VTI1A: variants seen among roughly 807,000 people sequenced by gnomAD.
VTI1A encodes vesicle transport through interaction with t-SNAREs homolog 1A.
VTI1A carries 22 observed loss-of-function variants against 34.9 expected under a neutral mutation model. The ratio of observed to expected loss-of-function variants is 0.63; its 90% CI spans 0.45 to 0.90. VTI1A has a LOEUF of 0.90. Ranked by LOEUF, VTI1A falls within the 40% of genes least tolerant of loss-of-function variation. The probability of loss-of-function intolerance (pLI) is 0.00; values close to 1 mark genes in which losing one functional copy is unlikely to be tolerated. For synonymous variants in VTI1A, 87 were observed against 97.3 expected, an observed-to-expected ratio of 0.89 and a Z score of 0.62; for missense variants, 268 against 275.6, an observed-to-expected ratio of 0.97 and a Z score of 0.20.
chr10:112,605,110 C>T (rs762854808), intron 5 of VTI1A, among the ~76,000 whole-genome samples: 10 of 152,160 alleles, frequency 6.6e-5, no homozygotes, highest in Non-Finnish European at 1.2e-4. Context: ...CGTAGCCAAA[C>T]CAGACTTTCC....
At chr10:112,783,318 T>C (rs1489266863) in intron 7 of VTI1A, among the ~76,000 whole-genome samples, 1 of 151,822 alleles carries the variant, frequency 6.6e-6, no homozygotes, top group Non-Finnish European at 1.5e-5. Context: ...AGGTTGGAAA[T>C]TGGTTTGGGT....
intron 7 of VTI1A, among the ~76,000 whole-genome samples, chr10:112,686,427 T>A (rs1160367337): frequency 6.6e-6 from 1 of 152,168 alleles, no homozygotes; most frequent in Non-Finnish European, 1.5e-5. Flanking sequence ...GAGTGATTTT[T>A]AAAATTGCCC....
At chr10:112,753,098 T>A (rs1314190030) in intron 7 of VTI1A, among the ~76,000 whole-genome samples, 1 of 152,090 alleles carries the variant, frequency 6.6e-6, no homozygotes, top group Non-Finnish European at 1.5e-5. Flanking sequence ...GATCAGAGTT[T>A]ATAAAATAGA....
chr10:112,811,683 C>CAAAAAAA (rs869030543), intron 7 of VTI1A, among the ~76,000 whole-genome samples: 4 of 11,838 alleles, frequency 3.4e-4, no homozygotes, highest in African/African-American at 1.4e-3. Flanking sequence ...GACTCCGTCT[C>CAAAAAAA]AAAAAAAAAA....
chr10:112,467,237 A>G (rs1405237994), intron 3 of VTI1A, among the ~76,000 whole-genome samples: 1 of 152,160 alleles, frequency 6.6e-6, no homozygotes, highest in Non-Finnish European at 1.5e-5. Context: ...AAAGAGTACA[A>G]TACTGGGCAA....
At chr10:112,824,977 A>G in the VTI1A span, 1 of 152,244 alleles carries the variant, frequency 6.6e-6, no homozygotes, top group East Asian at 1.9e-4. Context: ...CTGAGCTTCT[A>G]AGTGGTCCAG....
chr10:112,483,696 A>G (rs1269399011), intron 3 of VTI1A, among the ~76,000 whole-genome samples: 1 of 152,184 alleles, frequency 6.6e-6, no homozygotes, highest in Non-Finnish European at 1.5e-5. Flanking sequence ...AGATGGCTCC[A>G]GATATTCCAA....
At chr10:112,490,549 T>TA (rs1848786390) in intron 3 of VTI1A, among the ~76,000 whole-genome samples, 4 of 152,150 alleles carry the variant, frequency 2.6e-5, no homozygotes, top group Non-Finnish European at 1.5e-5. Context: ...TCATTAATGA[T>TA]ATGCTCATTT....
chr10:112,656,544 T>TTTTTTTTTTGA (rs59416348), intron 5 of VTI1A, among the ~76,000 whole-genome samples: 1 of 146,104 alleles, frequency 6.8e-6, no homozygotes, highest in East Asian at 2.0e-4. Context: ...TTTTTTTTTT[T>TTTTTTTTTTGA]GAGACAGGGT....
At chr10:112,660,008 G>T (rs1346773729) in intron 5 of VTI1A, among the ~76,000 whole-genome samples, 1 of 152,132 alleles carries the variant, frequency 6.6e-6, no homozygotes, top group Non-Finnish European at 1.5e-5. Flanking sequence ...ACGTTATTCT[G>T]GGGGCAGGAT....
chr10:112,514,480 T>G (rs1286133982), intron 3 of VTI1A, among the ~76,000 whole-genome samples: 2 of 151,792 alleles, frequency 1.3e-5, no homozygotes, highest in African/African-American at 4.8e-5. Flanking sequence ...TTCTATTGTT[T>G]TTCTAGTCTC....
rs1853577049 is a variant in VTI1A at position 112,818,151 on chromosome 10, G to C, written c.*2768G>C. On this transcript the variant is annotated 3_prime_UTR_variant, in exon 8 of 8. Coordinates refer to ENST00000393077, the MANE Select transcript of VTI1A (RefSeq NM_145206.4). ...ATTGTCTTATTTTGGAACCAGCTTG[G>C]TGGGGGGTTTGCTTTGCTACTGCTT... 1 of 233,520 alleles carries C rather than the reference G, an allele frequency of 4.3e-6. No individual in the cohort carries two copies. The highest frequency in any genetic ancestry group is 5.6e-5 in the Admixed American group (1 of 17,790). 14.5% of individuals were successfully genotyped at this position (233,520 alleles called of 1,614,324 possible).
intron 4 of VTI1A, 107 bp from the exon 5 acceptor site, chr10:112,538,139 C>G: frequency 1.2e-6 from 1 of 852,118 alleles, no homozygotes; most frequent in Non-Finnish European, 1.9e-6. Context: ...GGGTTGCGAA[C>G]CCCCCCACCC....
At chr10:112,489,864 C>T (rs1350557982) in intron 3 of VTI1A, among the ~76,000 whole-genome samples, 1 of 152,108 alleles carries the variant, frequency 6.6e-6, no homozygotes, top group Non-Finnish European at 1.5e-5. Flanking sequence ...TTTGCCTGAA[C>T]TTTGCCTTTT....
chr10:112,701,976 A>G (rs570920681), intron 7 of VTI1A, among the ~76,000 whole-genome samples: 1 of 152,312 alleles, frequency 6.6e-6, no homozygotes, highest in African/African-American at 2.4e-5. Flanking sequence ...CTCTTGCAGC[A>G]TGATCATGGG....
chr10:112,532,250 T>C (rs1850473448), intron 4 of VTI1A, among the ~76,000 whole-genome samples: 1 of 152,236 alleles, frequency 6.6e-6, no homozygotes, highest in South Asian at 2.1e-4. Flanking sequence ...GTAAACATGA[T>C]ACTTACAGAG....
At chr10:112,599,259 G>A (rs1413070770) in intron 5 of VTI1A, among the ~76,000 whole-genome samples, 2 of 152,208 alleles carry the variant, frequency 1.3e-5, no homozygotes, top group Non-Finnish European at 2.9e-5. Context: ...CAACCCACAA[G>A]GAGGGCCATG....
At chr10:112,738,313 A>G (rs755877446) in intron 7 of VTI1A, among the ~76,000 whole-genome samples, 2 of 152,292 alleles carry the variant, frequency 1.3e-5, no homozygotes, top group Non-Finnish European at 2.9e-5. Flanking sequence ...AAGCTCCCCA[A>G]GCCTTCAGGC....
chr10:112,616,325 G>A (rs951514879), intron 5 of VTI1A, among the ~76,000 whole-genome samples: 2 of 152,112 alleles, frequency 1.3e-5, no homozygotes, highest in South Asian at 4.1e-4. Flanking sequence ...ACATGTACAT[G>A]TGCACACACT....
Sources: gnomAD v4.1 joint callset for allele counts (sites outside exome capture counted in the v4.1 genomes callset) on GRCh38, gnomAD v4.1.1 for gene constraint, MANE v1.5 for transcripts, NCBI Gene and HGNC (gene_info 2026-07-23, HGNC 2026-07-21) for gene names.